Variants in NYAP2 observed in about 807,000 individuals in gnomAD.
NYAP2 encodes neuronal tyrosine-phosphorylated phosphoinositide-3-kinase adaptor 2.
In NYAP2, 23 loss-of-function variants were observed where a neutral mutation model predicts 50.4. That is an observed-to-expected ratio of 0.46 (90% confidence interval 0.33 to 0.65). NYAP2 has a LOEUF of 0.65. Ranked by LOEUF, NYAP2 falls within the 30% of genes least tolerant of loss-of-function variation. The pLI is 0.02. For missense variants in NYAP2, 885 were observed against 861.0 expected (o/e 1.03, Z -0.35); for synonymous variants, 394 against 365.2 (o/e 1.08, Z -0.90).
chr2:225,631,771 A>G (rs901363623), intron 6 of NYAP2, among the ~76,000 whole-genome samples: 16 of 152,306 alleles, frequency 1.1e-4, no homozygotes, highest in African/African-American at 3.6e-4. Context: ...TGTATAGAGT[A>G]TCTGAAGTTC....
intron 5 of NYAP2, among the ~76,000 whole-genome samples, chr2:225,612,753 C>T (rs1434846669): frequency 2.0e-5 from 1 of 50,934 alleles, no homozygotes; most frequent in Non-Finnish European, 5.1e-5. Context: ...CCCCCCCTTA[C>T]AATCTCATCT....
At chr2:225,639,486 G>A (rs2106264972) in intron 6 of NYAP2, among the ~76,000 whole-genome samples, 1 of 151,484 alleles carries the variant, frequency 6.6e-6, no homozygotes, top group African/African-American at 2.4e-5. Context: ...TTTTTTTTTG[G>A]TGATAAAACT....
intron 3 of NYAP2, among the ~76,000 whole-genome samples, chr2:225,475,698 C>T (rs1344134930): frequency 6.6e-6 from 1 of 152,058 alleles, no homozygotes; most frequent in Non-Finnish European, 1.5e-5. Context: ...GTAGAGAGAG[C>T]CAGAGAGTAA....
At chr2:225,640,132 A>G (rs1308636084) in intron 6 of NYAP2, among the ~76,000 whole-genome samples, 1 of 152,190 alleles carries the variant, frequency 6.6e-6, no homozygotes, top group Non-Finnish European at 1.5e-5. Context: ...CCCATCCTAA[A>G]CCAAGAGAAA....
At chr2:225,667,996 C>T in the NYAP2 span, among the ~76,000 whole-genome samples, 1 of 152,182 alleles carries the variant, frequency 6.6e-6, no homozygotes. Context: ...TTCACTACTA[C>T]CTACTATCAT....
the NYAP2 span, among the ~76,000 whole-genome samples, chr2:225,672,316 T>C: frequency 2.0e-5 from 3 of 152,178 alleles, no homozygotes; most frequent in Admixed American, 6.6e-5. Flanking sequence ...TGAAAATGGC[T>C]ACTTTCTTTA....
chr2:225,404,651 A>G (rs1182584282), intron 2 of NYAP2, among the ~76,000 whole-genome samples: 1 of 152,036 alleles, frequency 6.6e-6, no homozygotes, highest in Non-Finnish European at 1.5e-5. Flanking sequence ...AGTATTATAC[A>G]AAGTGATCTT....
intron 5 of NYAP2, among the ~76,000 whole-genome samples, chr2:225,594,002 G>A (rs1185526405): frequency 2.0e-5 from 3 of 152,168 alleles, no homozygotes; most frequent in Non-Finnish European, 4.4e-5. Context: ...ATTTATTGGA[G>A]GGAAAGATAT....
chr2:225,533,289 A>G (rs781355461), intron 4 of NYAP2, among the ~76,000 whole-genome samples: 45 of 152,220 alleles, frequency 3.0e-4, no homozygotes, highest in Admixed American at 1.3e-3. Flanking sequence ...TCCAAGTAAC[A>G]AAAGTTCTAC....
chr2:225,415,673 AG>A (rs1695111491), intron 3 of NYAP2, among the ~76,000 whole-genome samples: 1 of 152,116 alleles, frequency 6.6e-6, no homozygotes, highest in South Asian at 2.1e-4. Context: ...TTTTAATTGG[AG>A]GCATGTAGAA....
intron 3 of NYAP2, among the ~76,000 whole-genome samples, chr2:225,482,878 G>A (rs181447928): frequency 2.0e-5 from 3 of 152,118 alleles, no homozygotes; most frequent in Non-Finnish European, 4.4e-5. Flanking sequence ...TGGAGAAAAT[G>A]GTATACGGAG....
At chr2:225,637,588 C>T (rs1307473887) in intron 6 of NYAP2, among the ~76,000 whole-genome samples, 1 of 152,176 alleles carries the variant, frequency 6.6e-6, no homozygotes, top group Non-Finnish European at 1.5e-5. Context: ...TGCAGTTTAA[C>T]TCTCCCTTTC....
At chr2:225,525,689 A>G (rs1454311084) in intron 4 of NYAP2, among the ~76,000 whole-genome samples, 1 of 152,166 alleles carries the variant, frequency 6.6e-6, no homozygotes, top group East Asian at 1.9e-4. Flanking sequence ...CACTATTTGA[A>G]TGATGGGTAC....
At chr2:225,494,701 G>A (rs987804820) in intron 3 of NYAP2, among the ~76,000 whole-genome samples, 1 of 152,164 alleles carries the variant, frequency 6.6e-6, no homozygotes, top group African/African-American at 2.4e-5. Context: ...TCTAAGCTTG[G>A]TGATATTGTC....
At chr2:225,554,591 G>A (rs1691741566) in intron 4 of NYAP2, among the ~76,000 whole-genome samples, 1 of 151,918 alleles carries the variant, frequency 6.6e-6, no homozygotes, top group East Asian at 1.9e-4. Flanking sequence ...CAAAGTGCTG[G>A]GATTACAGGT....
At chr2:225,682,877 T>C in the NYAP2 span, among the ~76,000 whole-genome samples, 1 of 152,152 alleles carries the variant, frequency 6.6e-6, no homozygotes, top group Non-Finnish European at 1.5e-5. Context: ...CTAAGTTCCA[T>C]ATGTTTCCAT....
intron 4 of NYAP2, among the ~76,000 whole-genome samples, chr2:225,561,187 G>A (rs1691866091): frequency 1.3e-5 from 2 of 152,060 alleles, no homozygotes; most frequent in South Asian, 2.1e-4. Context: ...CAGACAGGGG[G>A]ATGACCATTT....
At chr2:225,415,352 G>GT (rs1479478188) in intron 3 of NYAP2, among the ~76,000 whole-genome samples, 2 of 152,114 alleles carry the variant, frequency 1.3e-5, no homozygotes, top group East Asian at 3.9e-4. Context: ...GAAAATATTT[G>GT]TTTTTCCTTT....
intron 3 of NYAP2, among the ~76,000 whole-genome samples, chr2:225,473,466 A>G (rs1690048491): frequency 6.6e-6 from 1 of 152,126 alleles, no homozygotes; most frequent in Non-Finnish European, 1.5e-5. Context: ...CCTCTCCAGC[A>G]CCTGTTGTTT....
Sources: gnomAD v4.1 joint callset for allele counts (sites outside exome capture counted in the v4.1 genomes callset) on GRCh38, gnomAD v4.1.1 for gene constraint, MANE v1.5 for transcripts, NCBI Gene and HGNC (gene_info 2026-07-23, HGNC 2026-07-21) for gene names.